PGAP1: variants seen among roughly 807,000 people sequenced by gnomAD.
PGAP1 encodes the protein GPI inositol-deacylase.
PGAP1 carries 76 observed loss-of-function variants against 127.0 expected under a neutral mutation model. The observed-to-expected ratio is 0.60, with a 90% CI of 0.50 to 0.72. PGAP1 has a LOEUF of 0.72. Ranked by LOEUF, PGAP1 falls within the 30% of genes least tolerant of loss-of-function variation. The pLI is 0.00. For missense variants in PGAP1, 982 were observed against 1,071.3 expected (o/e 0.92, Z 1.16); for synonymous variants, 362 against 366.5 (o/e 0.99, Z 0.14).
At chr2:196,850,622 A>G (rs1430628808) in intron 20 of PGAP1, among the ~76,000 whole-genome samples, 2 of 152,060 alleles carry the variant, frequency 1.3e-5, no homozygotes, top group Non-Finnish European at 2.9e-5. Context: ...ACAAGGCAGC[A>G]AGGAAGCATT....
At chr2:196,857,315 T>G (rs770726106) in intron 20 of PGAP1, among the ~76,000 whole-genome samples, 1 of 152,200 alleles carries the variant, frequency 6.6e-6, no homozygotes, top group Non-Finnish European at 1.5e-5. Context: ...CACTTTGAAA[T>G]GATGGCAAAA....
intron 1 of PGAP1, chr2:196,922,763 T>G (rs544998403): frequency 6.9e-4 from 108 of 156,848 alleles, no homozygotes; most frequent in Non-Finnish European, 1.3e-3. Flanking sequence ...TCACTGTAGC[T>G]TCGACTTCCC....
intron 1 of PGAP1, chr2:196,921,960 A>G (rs1703208632): frequency 4.8e-6 from 1 of 207,114 alleles, no homozygotes; most frequent in Non-Finnish European, 9.1e-6. Context: ...TAGGCATACA[A>G]ATAGGATGCT....
intron 5 of PGAP1, among the ~76,000 whole-genome samples, chr2:196,902,212 T>C (rs1430390632): frequency 6.6e-6 from 1 of 152,110 alleles, no homozygotes; most frequent in African/African-American, 2.4e-5. Flanking sequence ...AGATTTTTTG[T>C]ATTTTGTAGA....
At chr2:196,860,723 T>C (rs1418971068) in intron 20 of PGAP1, among the ~76,000 whole-genome samples, 3 of 152,206 alleles carry the variant, frequency 2.0e-5, no homozygotes, top group South Asian at 2.1e-4. Context: ...TCTATGTTCA[T>C]GGATTGAATG....
chr2:196,920,281 C>T (rs1703146067), intron 1 of PGAP1, 131 bp from the exon 2 acceptor site: 1 of 727,822 alleles, frequency 1.4e-6, no homozygotes. Flanking sequence ...TAAAACCACA[C>T]TTCATACACA....
Position 196,893,164 on chromosome 2 carries a change from G to C in PGAP1, c.1009C>G (p.Pro337Ala). 1.3e-6 allele frequency: 2 copies of C among 1,591,598 alleles called. No individual in the cohort carries two copies. The highest frequency in any genetic ancestry group is 1.7e-6 in the Non-Finnish European group (2 of 1,163,806). ...CCTGTTAAGTCAGAAATTATAGCTGGATTTTCCTCAAAATGTTTTGATGGG... is the reference window on the plus strand; with the variant it reads ...CCTGTTAAGTCAGAAATTATAGCTGCATTTTCCTCAAAATGTTTTGATGGG... ...RHPSKHFEEN[P>A]AIISDLTGTS... The change falls in exon 8 of 27, where the codon CCA becomes GCA. Residue 337 changes from proline (P) to alanine (A), a missense_variant. Coordinates refer to ENST00000354764, the MANE Select transcript of PGAP1 (RefSeq NM_024989.4).
At chr2:196,863,380 T>C (rs1001956439) in intron 20 of PGAP1, among the ~76,000 whole-genome samples, 7 of 152,190 alleles carry the variant, frequency 4.6e-5, no homozygotes, top group African/African-American at 1.7e-4. Flanking sequence ...TAATGGAATA[T>C]TATGTAGACA....
At position 196,913,060 on chromosome 2, in the gene PGAP1, A is replaced by T; in HGVS notation, c.478-7T>A. The T allele has an allele frequency of 6.3e-7, 1 of 1,595,866 alleles. No individual in the cohort carries two copies. The highest frequency in any genetic ancestry group is 8.5e-7 in the Non-Finnish European group (1 of 1,170,332). ...TTGGAGCAAATTCTTGACCCTATTA[A>T]AATAAATCACCAGGTCATAATTGCG... On this transcript the variant is annotated splice_region_variant and splice_polypyrimidine_tract_variant and intron_variant, in intron 3 of 26. Transcript: ENST00000354764.
intron 19 of PGAP1, among the ~76,000 whole-genome samples, chr2:196,868,964 T>C (rs945368182): frequency 1.3e-5 from 2 of 152,202 alleles, no homozygotes; most frequent in South Asian, 4.1e-4. Context: ...AGAATTTAAT[T>C]CAATTAATAC....
intron 10 of PGAP1, 135 bp from the exon 11 acceptor site, chr2:196,886,015 G>T (rs1010742637): frequency 6.7e-6 from 3 of 450,342 alleles, no homozygotes; most frequent in African/African-American, 6.1e-5. Context: ...GTAAATAACA[G>T]CTTATTGTTG....
rs144368863 is a variant in PGAP1, at chr2:196,857,921, C to T, written c.1861+7066G>A. On this transcript the variant is annotated intron_variant, in intron 20 of 26. Coordinates refer to ENST00000354764, the MANE Select transcript of PGAP1 (RefSeq NM_024989.4). Reference sequence around the variant, plus strand: ...CAGCATCCTTTGTCTTCCTTTACCTCCCTGAATATGCATAAGTTTACTGTA... The same window carrying T: ...CAGCATCCTTTGTCTTCCTTTACCTTCCTGAATATGCATAAGTTTACTGTA... 4.1e-3 allele frequency among the ~76,000 whole-genome samples: 618 copies of T among 152,242 alleles called. 4 individuals are homozygous for T. The highest frequency in any genetic ancestry group is 0.014 in the African/African-American group (574 of 41,540).
At chr2:196,904,813 T>C (rs1310185696) in intron 4 of PGAP1, among the ~76,000 whole-genome samples, 1 of 152,124 alleles carries the variant, frequency 6.6e-6, no homozygotes, top group Non-Finnish European at 1.5e-5. Context: ...GGGAGGCTAC[T>C]TAGCCTTCAT....
chr2:196,913,974 T>C lies in PGAP1; in HGVS notation c.478-921A>G, dbSNP rs899042456. On this transcript the variant is annotated intron_variant, in intron 3 of 26. Transcript: ENST00000354764. ...TGTGATAAGTCCCCAGTAAAAACCA[T>C]GGGCACTGAGTCTCTAATGAGCTTC... 2.6e-5 allele frequency among the ~76,000 whole-genome samples: 4 copies of C among 152,314 alleles called. No individual in the cohort carries two copies. In the South Asian group the frequency reaches 6.2e-4, roughly 24 times the overall value.
chr2:196,914,944 GTA>G (rs938982356), intron 3 of PGAP1, among the ~76,000 whole-genome samples: 3 of 151,532 alleles, frequency 2.0e-5, no homozygotes, highest in Non-Finnish European at 4.4e-5. Context: ...AGCCTCCCAA[GTA>G]GCTGGGACTA....
intron 20 of PGAP1, among the ~76,000 whole-genome samples, chr2:196,855,043 C>A (rs1490567422): frequency 1.3e-5 from 2 of 151,684 alleles, no homozygotes; most frequent in Non-Finnish European, 2.9e-5. Context: ...TTCATATCAG[C>A]AGGGCACGGT....
Position 196,839,158 on chromosome 2 carries a change from C to T in PGAP1, c.*2076G>A, listed in dbSNP as rs561629029. 5 of 152,700 alleles carry T rather than the reference C, an allele frequency of 3.3e-5. No individual in the cohort carries two copies. Among genetic ancestry groups the T allele is most frequent in the African/African-American group, 1.2e-4 (5 of 41,554 alleles). 9.5% of individuals were successfully genotyped at this position (152,700 alleles called of 1,614,324 possible). A position where few individuals can be genotyped will look rare whatever the true frequency, so the allele number is the denominator to read the frequency against. ...ACAAAGAGGTTTTAGAATACATAAA[C>T]ATAATATTTATGGCTATCAATAGAA... On this transcript the variant is annotated 3_prime_UTR_variant, in exon 27 of 27. Transcript: ENST00000354764.
chr2:196,868,980 AT>A (rs1191407260), intron 19 of PGAP1, among the ~76,000 whole-genome samples: 22 of 152,158 alleles, frequency 1.4e-4, no homozygotes, highest in Admixed American at 1.2e-3. Context: ...AATACAAATT[AT>A]TTTTTTAATT....
In PGAP1 at chr2:196,834,576, G is replaced by C. The variant is rs1033689703; in HGVS notation, c.*6658C>G. ...TATTTATAGCCAGTCATAAGCTTCA[G>C]AAACTATAATACAATCACTTCAAAA... is the stretch of plus-strand genomic sequence containing the variant. On this transcript the variant is annotated 3_prime_UTR_variant, in exon 27 of 27. Transcript: ENST00000354764. The C allele has an allele frequency of 2.6e-5, 4 of 152,296 alleles. No homozygotes were observed. The highest frequency in any genetic ancestry group is 5.9e-5 in the Non-Finnish European group (4 of 67,850). 9.4% of individuals were successfully genotyped at this position (152,296 alleles called of 1,614,324 possible).
Sources: gnomAD v4.1 joint callset for allele counts (sites outside exome capture counted in the v4.1 genomes callset) on GRCh38, gnomAD v4.1.1 for gene constraint, MANE v1.5 for transcripts, NCBI Gene and HGNC (gene_info 2026-07-23, HGNC 2026-07-21) for gene names.